MON1B: variants seen among roughly 807,000 people sequenced by gnomAD.
MON1B encodes the protein MON1 vesicular trafficking associated B.
Under a neutral mutation model 45.1 loss-of-function variants are expected in MON1B, and 26 were observed. That is an observed-to-expected ratio of 0.58 (90% CI 0.42 to 0.80). The LOEUF is 0.80. Ranked by LOEUF, MON1B falls within the 30% of genes least tolerant of loss-of-function variation. The probability of loss-of-function intolerance (pLI) is 0.00; values close to 1 mark genes in which losing one functional copy is unlikely to be tolerated. For synonymous variants in MON1B, 395 were observed against 320.2 expected, an observed-to-expected ratio of 1.23 and a Z score of -2.49; for missense variants, 737 against 754.5, an observed-to-expected ratio of 0.98 and a Z score of 0.27.
rs1473972458 is a variant in MON1B at position 77,193,803 on chromosome 16, T to A, written c.475+26T>A. 1 of 1,586,490 alleles carries A rather than the reference T, an allele frequency of 6.3e-7. No homozygotes were observed. The highest frequency in any genetic ancestry group is 8.6e-7 in the Non-Finnish European group (1 of 1,163,672). On this transcript the variant is annotated intron_variant, in intron 3 of 5. Coordinates refer to ENST00000248248, the MANE Select transcript of MON1B (RefSeq NM_014940.4). This position sits in a 1 kb window ranked among gnomAD's most constrained non-coding sequence, Gnocchi z 5.0. ...GTGAGCAAACAGGTGGGAGGCAGAA[T>A]GGGGGACAGTGACTGGGAATATGGC...
At chr16:77,191,421 G>C in intron 1 of MON1B, 55 bp from the exon 2 acceptor site, 16 of 1,575,926 alleles carry the variant, frequency 1.0e-5, no homozygotes, top group Non-Finnish European at 6.0e-6. Flanking sequence ...ACTCTATAAA[G>C]GCTTTTCAGA....
chr16:77,200,291 T>TATATATATAC lies in MON1B; in HGVS notation c.*1984_*1985insTATATATACA. On this transcript the variant is annotated 3_prime_UTR_variant, in exon 6 of 6. Coordinates refer to ENST00000248248, the MANE Select transcript of MON1B (RefSeq NM_014940.4). ...ATATATGTGTATATATATATATATA[T>TATATATATAC]ACACACACTAATCAGCCGGGCGCGG... 5.6e-4 allele frequency: 62 copies of TATATATATAC among 111,372 alleles called. 4 individuals carry two copies. Among genetic ancestry groups the TATATATATAC allele is most frequent in the African/African-American group, 9.4e-4 (28 of 29,772 alleles). 6.9% of individuals were successfully genotyped at this position (111,372 alleles called of 1,614,324 possible).
intron 5 of MON1B, among the ~76,000 whole-genome samples, chr16:77,197,840 G>A (rs1167113475): frequency 6.6e-6 from 1 of 152,166 alleles, no homozygotes; most frequent in Non-Finnish European, 1.5e-5. Context: ...CATTGTTACT[G>A]TTTTCCCCAG....
At position 77,198,669 on chromosome 16, in the gene MON1B, C is replaced by A. The variant is rs530187298; in HGVS notation, c.*361C>A. On this transcript the variant is annotated 3_prime_UTR_variant, in exon 6 of 6. Transcript: ENST00000248248. ...GAATCTCAGCCCTGAGTGTCCAGATCTGGCCAAGGTGTCTAGGGTGGCCCA... is the reference window on the plus strand; with the variant it reads ...GAATCTCAGCCCTGAGTGTCCAGATATGGCCAAGGTGTCTAGGGTGGCCCA... The A allele has an allele frequency of 3.2e-6, 1 of 316,958 alleles. No individual in the cohort carries two copies. The highest frequency in any genetic ancestry group is 3.4e-5 in the South Asian group (1 of 29,248). 19.6% of individuals were successfully genotyped at this position (316,958 alleles called of 1,614,324 possible).
At chr16:77,191,951 T>G (rs1247885642) in intron 2 of MON1B, among the ~76,000 whole-genome samples, 1 of 151,794 alleles carries the variant, frequency 6.6e-6, no homozygotes, top group Non-Finnish European at 1.5e-5. Context: ...CTGAAGAAAG[T>G]CAATAGACTC....
At chr16:77,191,291 TAG>T (rs2054612264) in intron 1 of MON1B, 33 bp downstream of exon 1, 1 of 1,543,280 alleles carries the variant, frequency 6.5e-7, no homozygotes, top group Non-Finnish European at 8.7e-7. Context: ...TGAGGCCCAG[TAG>T]AGTCTCCTCT....
rs1475489690 is a variant in MON1B at position 77,193,555 on chromosome 16, C to T, written c.253C>T (p.Pro85Ser). 2 of 1,613,986 alleles carry T rather than the reference C, an allele frequency of 1.2e-6. No homozygotes were observed. The highest frequency in any genetic ancestry group is 8.5e-7 in the Non-Finnish European group (1 of 1,179,920). Residue 85 changes from proline to serine, a missense_variant, in exon 3 of 6, where the codon CCC becomes TCC. By Grantham distance (74) the Pro-to-Ser change is moderately conservative (BLOSUM62 -1). Transcript: ENST00000248248. This position sits in a 1 kb window ranked among gnomAD's most constrained non-coding sequence, Gnocchi z 5.0. ...GAGTCCTGCAGCCCCTGAGAATAGT[C>T]CCACATGTAGCCCTGAGAGTAGCTC... ...LWSPAAPENS[P>S]TCSPESSSGG...
At position 77,199,095 on chromosome 16, in the gene MON1B, A is replaced by C. The variant is rs1448551961; in HGVS notation, c.*787A>C. The C allele has an allele frequency of 4.0e-6, 1 of 249,764 alleles. No homozygotes were observed. The highest frequency in any genetic ancestry group is 7.6e-6 in the Non-Finnish European group (1 of 131,278). The allele number at this position is 249,764 out of a possible 1,614,324, so 15.5% of individuals were successfully genotyped here. Reference sequence around the variant, plus strand: ...CGAAAACAGACTCGAACTATTGTGTACCACCACATAGCACATGCACGTCTG... The same window carrying C: ...CGAAAACAGACTCGAACTATTGTGTCCCACCACATAGCACATGCACGTCTG... On this transcript the variant is annotated 3_prime_UTR_variant, in exon 6 of 6. Coordinates refer to ENST00000248248, the MANE Select transcript of MON1B (RefSeq NM_014940.4).
In MON1B at chr16:77,191,640, C is replaced by G. The variant is rs369355868; in HGVS notation, c.148+7C>G. 1 of 1,609,830 alleles carries G rather than the reference C, an allele frequency of 6.2e-7. No individual in the cohort carries two copies. Among genetic ancestry groups the G allele is most frequent in the African/African-American group, 1.3e-5 (1 of 74,902 alleles). On this transcript the variant is annotated splice_region_variant and intron_variant, in intron 2 of 5. Transcript: ENST00000248248. ...GAGGGCCTGGAGGAAACAGGTATGA[C>G]TCCACTTAGTGGGGTCTTAAAAGGA... is the stretch of plus-strand genomic sequence containing the variant.
rs1239159739 is a variant in MON1B, at chr16:77,199,128, C to CT, written c.*823dup. On this transcript the variant is annotated 3_prime_UTR_variant, in exon 6 of 6. Transcript: ENST00000248248. ...ATAGCACATGCACGTCTGTCCCAGACTTTGACAACCTGCACAAGACAAGCA... is the reference window on the plus strand; with the variant it reads ...ATAGCACATGCACGTCTGTCCCAGACTTTTGACAACCTGCACAAGACAAGCA... 5 of 333,072 alleles carry CT rather than the reference C, an allele frequency of 1.5e-5. No individual in the cohort carries two copies. Among genetic ancestry groups the CT allele is most frequent in the Non-Finnish European group, 2.7e-5 (5 of 183,038 alleles). 20.6% of individuals were successfully genotyped at this position (333,072 alleles called of 1,614,324 possible). A position where few individuals can be genotyped will look rare whatever the true frequency, so the allele number is the denominator to read the frequency against.
At position 77,191,512 on chromosome 16, in the gene MON1B, C is replaced by A. The variant is rs762263446; in HGVS notation, c.27C>A (p.Ala9=). MEVGGDTA[A]PAPGGAEDLE... is the part of the protein sequence containing the mutation. ...TGGAGGTCGGAGGAGACACTGCTGC[C>A]CCGGCCCCCGGGGGCGCGGAGGACT... The change falls in exon 2 of 6, where the codon GCC becomes GCA. Residue 9 remains alanine, a synonymous_variant. Coordinates refer to ENST00000248248, the MANE Select transcript of MON1B (RefSeq NM_014940.4). 6.8e-6 allele frequency: 11 copies of A among 1,607,436 alleles called. No homozygotes were observed. The South Asian group carries it at 9.9e-5, about 15-fold the overall frequency.
intron 2 of MON1B, among the ~76,000 whole-genome samples, chr16:77,192,344 G>A (rs998907599): frequency 6.6e-6 from 1 of 152,212 alleles, no homozygotes; most frequent in East Asian, 1.9e-4. Flanking sequence ...GGGGACATGG[G>A]AGTGTCAGTG....
chr16:77,192,329 TA>T (rs1039843376), intron 2 of MON1B, among the ~76,000 whole-genome samples: 2 of 152,116 alleles, frequency 1.3e-5, no homozygotes, highest in African/African-American at 4.8e-5. Flanking sequence ...GGAGTAAAGA[TA>T]TTTGGGGACA....
chr16:77,191,311 A>G, intron 1 of MON1B, 53 bp downstream of exon 1: 1 of 1,529,432 alleles, frequency 6.5e-7, no homozygotes. Context: ...TCTTTTCGGA[A>G]AGTGTTGGAG....
chr16:77,194,969 T>C lies in MON1B; in HGVS notation c.1110T>C (p.Val370=), dbSNP rs2232504. The C allele has an allele frequency of 0.63, 1,018,391 of 1,613,666 alleles. 327,081 individuals carry two copies. Among genetic ancestry groups the C allele is most frequent in the African/African-American group, 0.88 (65,747 of 75,056 alleles). The change falls in exon 4 of 6, where the codon GTT becomes GTC. Residue 370 remains valine (V), a synonymous_variant. Transcript: ENST00000248248. The surrounding 1 kb of genome is among the most constrained non-coding windows in gnomAD (Gnocchi z 8.1). ...CCATGGCCGCCTGCCGGCGCCTGGT[T>C]GAAGATGGGATGCATGCCCTTGGTG... ...FHAMAACRRL[V]EDGMHALGAM...
At position 77,200,732 on chromosome 16, in the gene MON1B, G is replaced by T. The variant is rs1452994010; in HGVS notation, c.*2424G>T. The T allele has an allele frequency of 7.7e-6, 1 of 129,390 alleles. No individual in the cohort carries two copies. The highest frequency in any genetic ancestry group is 2.3e-4 in the East Asian group (1 of 4,266). 8.0% of individuals were successfully genotyped at this position (129,390 alleles called of 1,614,324 possible). A position where few individuals can be genotyped will look rare whatever the true frequency, so the allele number is the denominator to read the frequency against. On this transcript the variant is annotated 3_prime_UTR_variant, in exon 6 of 6. Coordinates refer to ENST00000248248, the MANE Select transcript of MON1B (RefSeq NM_014940.4). Reference sequence around the variant, plus strand: ...CATTGCGCCACTGCACTCCAGCGCGGAAGACAGAGTGAGCAAAAAAAAAAA... The same window carrying T: ...CATTGCGCCACTGCACTCCAGCGCGTAAGACAGAGTGAGCAAAAAAAAAAA...
At position 77,195,578 on chromosome 16, in the gene MON1B, C is replaced by T. The variant is rs201465107; in HGVS notation, c.1339C>T (p.Arg447Trp). ...APYSREEERQ[R>W]LSDLYHRLHA... ...CTACAGCAGAGAGGAGGAGCGGCAG[C>T]GGCTGTCGGACCTGTACCACCGCCT... The change falls in exon 5 of 6, where the codon CGG becomes TGG. Residue 447 changes from arginine to tryptophan, a missense_variant. Coordinates refer to ENST00000248248, the MANE Select transcript of MON1B (RefSeq NM_014940.4). 93 of 1,613,644 alleles carry T rather than the reference C, an allele frequency of 5.8e-5. No homozygotes were observed. The highest frequency in any genetic ancestry group is 1.4e-5 in the Non-Finnish European group (16 of 1,179,916).
At chr16:77,195,706 G>C in intron 5 of MON1B, 24 bp downstream of exon 5, 1 of 1,612,134 alleles carries the variant, frequency 6.2e-7, no homozygotes, top group Non-Finnish European at 8.5e-7. Context: ...GGCTCTGAGT[G>C]AATTAATTCC....
Position 77,200,243 on chromosome 16 carries a change from T to G in MON1B, c.*1935T>G, listed in dbSNP as rs2054718807. The G allele has an allele frequency of 7.7e-6, 1 of 129,472 alleles. No homozygotes were observed. The highest frequency in any genetic ancestry group is 8.0e-5 in the Admixed American group (1 of 12,528). The allele number at this position is 129,472 out of a possible 1,614,324, so 8.0% of individuals were successfully genotyped here. A position where few individuals can be genotyped will look rare whatever the true frequency, so the allele number is the denominator to read the frequency against. On this transcript the variant is annotated 3_prime_UTR_variant, in exon 6 of 6. Coordinates refer to ENST00000248248, the MANE Select transcript of MON1B (RefSeq NM_014940.4). ...GTATGTATGTGTGTGTATATATATA[T>G]ATATGTATATGTGTATATATATATA...
Sources: allele counts gnomAD v4.1 joint callset (sites outside exome capture counted in the v4.1 genomes callset), GRCh38; gene constraint gnomAD v4.1.1; non-coding constraint Gnocchi (gnomAD v3.1); transcripts MANE v1.5; gene names NCBI Gene and HGNC (gene_info 2026-07-23, HGNC 2026-07-21).